Variants in ADGB observed in about 807,000 individuals in gnomAD.
ADGB encodes the protein androglobin, also known as calpain-7-like protein.
In ADGB, 172 loss-of-function variants were observed where a neutral mutation model predicts 210.5. The observed-to-expected ratio is 0.82, with a 90% CI of 0.72 to 0.93. The LOEUF (loss-of-function observed/expected upper bound fraction) is 0.93, where lower values mean the gene tolerates loss of function less well. ADGB is among the 40% of genes least tolerant of loss of function. The probability of loss-of-function intolerance (pLI) is 0.00; values close to 1 mark genes in which losing one functional copy is unlikely to be tolerated. For missense variants in ADGB, 2,025 were observed against 1,964.8 expected (o/e 1.03, Z -0.58); for synonymous variants, 658 against 662.7 (o/e 0.99, Z 0.11).
At chr6:146,638,807 T>C (rs2114862673) in intron 2 of ADGB, 1 of 150,992 alleles carries the variant, frequency 6.6e-6, no homozygotes, top group East Asian at 1.9e-4. Flanking sequence ...TCTATAATCT[T>C]AATGTAACAG....
intron 13 of ADGB, among the ~76,000 whole-genome samples, chr6:146,712,033 G>T: frequency 6.7e-6 from 1 of 149,224 alleles, no homozygotes; most frequent in African/African-American, 2.5e-5. Context: ...CTCCAGCTTG[G>T]GCAACAGAGC....
At chr6:146,718,181 T>A (rs984234566) in intron 16 of ADGB, among the ~76,000 whole-genome samples, 16 of 152,000 alleles carry the variant, frequency 1.1e-4, no homozygotes, top group African/African-American at 3.9e-4. Context: ...ACCCCATCTC[T>A]GCTAAAAATA....
intron 27 of ADGB, among the ~76,000 whole-genome samples, chr6:146,760,774 A>G (rs551807232): frequency 2.0e-5 from 3 of 151,990 alleles, no homozygotes; most frequent in South Asian, 4.1e-4. Flanking sequence ...ATTGCTGTCA[A>G]TGTTTTTAAT....
chr6:146,637,501 T>C (rs1775442134), intron 2 of ADGB, among the ~76,000 whole-genome samples: 1 of 151,976 alleles, frequency 6.6e-6, no homozygotes. Flanking sequence ...GATTTAATGG[T>C]ACTTTGGAGA....
chr6:146,801,137 T>G, intron 33 of ADGB, 46 bp from the exon 34 acceptor site: 2 of 1,128,182 alleles, frequency 1.8e-6, no homozygotes. Flanking sequence ...GTCATTATTA[T>G]TTTTTAAAGC....
intron 1 of ADGB, among the ~76,000 whole-genome samples, chr6:146,609,046 G>A (rs934979775): frequency 1.3e-5 from 2 of 152,140 alleles, no homozygotes; most frequent in Non-Finnish European, 1.5e-5. Context: ...ATGAATCTGG[G>A]TTCCCCAGTT....
intron 22 of ADGB, among the ~76,000 whole-genome samples, chr6:146,734,533 G>T (rs577418793): frequency 6.6e-6 from 1 of 152,280 alleles, no homozygotes; most frequent in Non-Finnish European, 1.5e-5. Context: ...GGCATAAAAT[G>T]CATGTTAAGT....
At chr6:146,760,002 A>C (rs1317103020) in intron 27 of ADGB, among the ~76,000 whole-genome samples, 1 of 151,774 alleles carries the variant, frequency 6.6e-6, no homozygotes, top group African/African-American at 2.4e-5. Context: ...ACATTAGGGA[A>C]ATTTGCCCTT....
intron 28 of ADGB, among the ~76,000 whole-genome samples, chr6:146,768,720 A>G (rs1777611393): frequency 1.3e-5 from 2 of 152,198 alleles, no homozygotes; most frequent in Admixed American, 1.3e-4. Context: ...AAATACTCAA[A>G]CTTTATAGTA....
chr6:146,698,458 G>C (rs1159765334), intron 12 of ADGB, among the ~76,000 whole-genome samples: 1 of 152,098 alleles, frequency 6.6e-6, no homozygotes, highest in Admixed American at 6.6e-5. Flanking sequence ...ATCACAGGCA[G>C]TTAATTTACA....
At chr6:146,804,241 T>A (rs1374727385) in intron 35 of ADGB, among the ~76,000 whole-genome samples, 1 of 150,526 alleles carries the variant, frequency 6.6e-6, no homozygotes, top group Non-Finnish European at 1.5e-5. Flanking sequence ...ATAATGAGAA[T>A]CTTTTTTTCT....
intron 35 of ADGB, among the ~76,000 whole-genome samples, chr6:146,808,727 C>G (rs1778251420): frequency 6.6e-6 from 1 of 152,132 alleles, no homozygotes; most frequent in Non-Finnish European, 1.5e-5. Flanking sequence ...TGGTCTGGCT[C>G]TCCTGTCCAG....
At chr6:146,711,915 G>C (rs1166148299) in intron 13 of ADGB, among the ~76,000 whole-genome samples, 3 of 151,944 alleles carry the variant, frequency 2.0e-5, no homozygotes, top group Non-Finnish European at 2.9e-5. Context: ...ACATTAGTCA[G>C]GCATGGCGGT....
At chr6:146,807,757 C>G in intron 35 of ADGB, 1 of 547,592 alleles carries the variant, frequency 1.8e-6, no homozygotes, top group Non-Finnish European at 3.0e-6. Context: ...GTATTTGAAG[C>G]CATTCGAGTT....
chr6:146,698,252 T>G (rs1776437814), intron 12 of ADGB, among the ~76,000 whole-genome samples: 1 of 152,232 alleles, frequency 6.6e-6, no homozygotes, highest in Admixed American at 6.5e-5. Context: ...TATTTTAAGC[T>G]TCAATAAAAC....
At chr6:146,653,705 T>C (rs1775736713) in intron 3 of ADGB, among the ~76,000 whole-genome samples, 1 of 152,066 alleles carries the variant, frequency 6.6e-6, no homozygotes, top group Non-Finnish European at 1.5e-5. Context: ...AGTTTACCTA[T>C]GTAACAAACC....
intron 33 of ADGB, among the ~76,000 whole-genome samples, chr6:146,796,918 G>A (rs1395553491): frequency 6.6e-6 from 1 of 152,146 alleles, no homozygotes; most frequent in Non-Finnish European, 1.5e-5. Context: ...AACTCACAGA[G>A]TGGGAGAAAT....
intron 1 of ADGB, among the ~76,000 whole-genome samples, chr6:146,610,960 A>G (rs1156350893): frequency 6.6e-6 from 1 of 152,078 alleles, no homozygotes. Context: ...ATGTGTGCTC[A>G]TGCAGTGCTG....
In ADGB at chr6:146,788,440, G is replaced by A; in HGVS notation, c.4367G>A (p.Gly1456Asp). The A allele has an allele frequency of 6.4e-7, 1 of 1,551,544 alleles. No individual in the cohort carries two copies. Among genetic ancestry groups the A allele is most frequent in the South Asian group, 1.2e-5 (1 of 84,062 alleles). Residue 1456 changes from glycine to aspartate, a missense_variant, in exon 33 of 36, where the codon GGT becomes GAT. Gly to Asp is a moderately conservative substitution (Grantham distance 94, BLOSUM62 -1). Transcript: ENST00000397944. ...VKEPNSKNSA[G>D]SESKEMTQTG... ...GAACCAAACTCAAAGAATTCTGCAG[G>A]TTCAGAGAGCAAAGAGATGACACAA...
Sources: allele counts gnomAD v4.1 joint callset (sites outside exome capture counted in the v4.1 genomes callset), GRCh38; gene constraint gnomAD v4.1.1; transcripts MANE v1.5; gene names NCBI Gene and HGNC (gene_info 2026-07-23, HGNC 2026-07-21).